The following MMRN1 variants were observed in gnomAD, a reference collection of about 807,000 sequenced individuals.
MMRN1 encodes multimerin-1.
MMRN1 carries 94 observed loss-of-function variants against 100.7 expected under a neutral mutation model. The observed-to-expected ratio is 0.93, with a 90% CI of 0.79 to 1.11. MMRN1 has a LOEUF of 1.11. Ranked by LOEUF, MMRN1 falls within the 50% of genes least tolerant of loss-of-function variation. The pLI is 0.00. For missense variants in MMRN1, 1,606 were observed against 1,439.1 expected, an observed-to-expected ratio of 1.12 and a Z score of -1.88; for synonymous variants, 575 against 505.0, an observed-to-expected ratio of 1.14 and a Z score of -1.86.
chr4:89,907,043 A>C (rs1429784720), intron 1 of MMRN1, among the ~76,000 whole-genome samples: 1 of 151,474 alleles, frequency 6.6e-6, no homozygotes, highest in Non-Finnish European at 1.5e-5. Context: ...CATTCAGAGA[A>C]TGTTCATGTG....
upstream of MMRN1, among the ~76,000 whole-genome samples, chr4:89,891,335 A>C (rs1721049690): frequency 6.6e-6 from 1 of 152,054 alleles, no homozygotes; most frequent in Non-Finnish European, 1.5e-5. Context: ...ATTTGTTATC[A>C]CTATACATAG....
chr4:89,901,041 A>G (rs1236231949), intron 1 of MMRN1, among the ~76,000 whole-genome samples: 1 of 151,930 alleles, frequency 6.6e-6, no homozygotes, highest in Non-Finnish European at 1.5e-5. Context: ...GAGGACTGAA[A>G]AATAGCCACT....
intron 1 of MMRN1, among the ~76,000 whole-genome samples, chr4:89,880,763 T>C (rs1720799044): frequency 6.6e-6 from 1 of 152,120 alleles, no homozygotes; most frequent in Non-Finnish European, 1.5e-5. Flanking sequence ...CATGTAATCA[T>C]GGGAAGAAGA....
At chr4:89,932,774 T>C (rs1722484115) in intron 5 of MMRN1, among the ~76,000 whole-genome samples, 1 of 152,046 alleles carries the variant, frequency 6.6e-6, no homozygotes, top group South Asian at 2.1e-4. Context: ...CATGAAACTA[T>C]TTTTTCCTCC....
chr4:89,951,580 T>C (rs772815813), intron 6 of MMRN1, 25 bp from the exon 7 acceptor site: 2 of 1,458,078 alleles, frequency 1.4e-6, no homozygotes, highest in Non-Finnish European at 1.8e-6. Context: ...TATTCTCTTT[T>C]ACCTTGATTC....
chr4:89,940,938 C>T (rs1411089353), intron 6 of MMRN1, among the ~76,000 whole-genome samples: 3 of 152,040 alleles, frequency 2.0e-5, no homozygotes, highest in African/African-American at 4.8e-5. Context: ...ATGCTTATAA[C>T]TTAGCTTATG....
intron 5 of MMRN1, 79 bp downstream of exon 5, chr4:89,928,047 T>G (rs1722322690): frequency 2.5e-6 from 3 of 1,202,024 alleles, no homozygotes; most frequent in Non-Finnish European, 3.4e-6. Context: ...TACATCACTT[T>G]GGGATCTTTG....
chr4:89,936,827 A>G, intron 6 of MMRN1, 29 bp downstream of exon 6: 6 of 1,534,370 alleles, frequency 3.9e-6, no homozygotes, highest in Non-Finnish European at 4.4e-6. Context: ...GTAACTTTTA[A>G]TCTCTCTTTT....
intron 1 of MMRN1, among the ~76,000 whole-genome samples, chr4:89,900,647 T>C (rs1721354068): frequency 6.6e-6 from 1 of 152,116 alleles, no homozygotes; most frequent in South Asian, 2.1e-4. Flanking sequence ...ATTACTACTC[T>C]ATTTGCTGCC....
intron 1 of MMRN1, among the ~76,000 whole-genome samples, chr4:89,882,445 A>T (rs1720840819): frequency 1.3e-5 from 2 of 151,798 alleles, no homozygotes; most frequent in South Asian, 4.1e-4. Context: ...AAGGTATAGA[A>T]AGACTACTGA....
At chr4:89,928,990 T>A (rs1161530415) in intron 5 of MMRN1, among the ~76,000 whole-genome samples, 2 of 152,110 alleles carry the variant, frequency 1.3e-5, no homozygotes, top group African/African-American at 4.8e-5. Context: ...CAGGATACAA[T>A]GGGACCACTT....
intron 6 of MMRN1, among the ~76,000 whole-genome samples, chr4:89,937,688 C>T (rs904246232): frequency 3.9e-5 from 6 of 151,938 alleles, no homozygotes; most frequent in Admixed American, 6.6e-5. Flanking sequence ...AGAGATATGC[C>T]GAAGACTGCT....
intron 3 of MMRN1, among the ~76,000 whole-genome samples, chr4:89,919,111 A>C (rs1722009144): frequency 6.6e-6 from 1 of 151,590 alleles, no homozygotes; most frequent in Non-Finnish European, 1.5e-5. Flanking sequence ...CAGAATTATT[A>C]TATTAGGTAA....
intron 5 of MMRN1, among the ~76,000 whole-genome samples, chr4:89,931,091 A>G (rs1372920139): frequency 6.6e-6 from 1 of 152,042 alleles, no homozygotes; most frequent in South Asian, 2.1e-4. Flanking sequence ...TGATCTTTGG[A>G]CTTTTAAACT....
chr4:89,918,312 T>C (rs1175991640), intron 3 of MMRN1, among the ~76,000 whole-genome samples: 1 of 151,712 alleles, frequency 6.6e-6, no homozygotes, highest in African/African-American at 2.4e-5. Context: ...TGAAAAAGGA[T>C]TGGCATTTCT....
At chr4:89,899,634 C>T (rs888177603) in intron 1 of MMRN1, among the ~76,000 whole-genome samples, 1 of 152,092 alleles carries the variant, frequency 6.6e-6, no homozygotes, top group African/African-American at 2.4e-5. Flanking sequence ...AATCTAACTG[C>T]CTACTTAGCT....
intron 1 of MMRN1, among the ~76,000 whole-genome samples, chr4:89,897,875 T>C (rs1442136): frequency 0.42 from 63,867 of 151,964 alleles, 13,807 homozygotes; most frequent in Admixed American, 0.47. Flanking sequence ...AATGTTAATA[T>C]GTGCTATGAG....
intron 7 of MMRN1, among the ~76,000 whole-genome samples, chr4:89,952,681 C>G (rs932571995): frequency 2.2e-4 from 33 of 152,202 alleles, no homozygotes; most frequent in African/African-American, 7.9e-4. Flanking sequence ...GCTTTGAATT[C>G]CTTTATCTCT....
At chr4:89,922,618 G>A (rs776058773) in intron 3 of MMRN1, among the ~76,000 whole-genome samples, 1 of 152,132 alleles carries the variant, frequency 6.6e-6, no homozygotes, top group African/African-American at 2.4e-5. Flanking sequence ...TGCTTGAAAT[G>A]TGCCTGCAAT....
Sources: allele counts gnomAD v4.1 joint callset (sites outside exome capture counted in the v4.1 genomes callset), GRCh38; gene constraint gnomAD v4.1.1; transcripts MANE v1.5; gene names NCBI Gene and HGNC (gene_info 2026-07-23, HGNC 2026-07-21).